MTF2: variants seen among roughly 807,000 people sequenced by gnomAD.
The protein encoded by MTF2 is metal-response element-binding transcription factor 2.
In MTF2, 11 loss-of-function variants were observed where a neutral mutation model predicts 79.5. The ratio of observed to expected loss-of-function variants is 0.14; its 90% CI spans 0.09 to 0.23. The LOEUF (loss-of-function observed/expected upper bound fraction) is 0.23. Among genes scored for constraint, MTF2 ranks in the 10% least tolerant of loss-of-function variants. The pLI is 1.00. For missense variants in MTF2, 486 were observed against 711.2 expected (o/e 0.68, Z 3.60); for synonymous variants, 208 against 232.8 (o/e 0.89, Z 0.97).
chr1:93,127,189 G>A, intron 9 of MTF2, 43 bp from the exon 10 acceptor site: 4 of 1,356,570 alleles, frequency 2.9e-6, no homozygotes, highest in Non-Finnish European at 4.2e-6. Context: ...ATTACTAATT[G>A]ATGAAATTGT....
At chr1:93,090,592 A>G (rs1230426030) in intron 1 of MTF2, among the ~76,000 whole-genome samples, 1 of 151,958 alleles carries the variant, frequency 6.6e-6, no homozygotes, top group Non-Finnish European at 1.5e-5. Context: ...TTCAGGTTTA[A>G]TCATCAGTGT....
rs116824745 is a variant in MTF2, at chr1:93,134,521, T to A, written c.1424+326T>A. The A allele has an allele frequency of 6.1e-3, 1,298 of 211,492 alleles. 17 individuals are homozygous for A. The highest frequency in any genetic ancestry group is 0.031 in the African/African-American group (1,230 of 39,366). 13.1% of individuals were successfully genotyped at this position (211,492 alleles called of 1,614,324 possible). A position where few individuals can be genotyped will look rare whatever the true frequency, so the allele number is the denominator to read the frequency against. ...AAGTGTTCTTTGCTTTAGGAAGATA[T>A]GATTTTTTTTTTTCTTTTTAAGAGA... On this transcript the variant is annotated intron_variant, in intron 14 of 14. Coordinates refer to ENST00000370298, the MANE Select transcript of MTF2 (RefSeq NM_007358.4).
Position 93,134,087 on chromosome 1 carries a change from T to A in MTF2, c.1320-4T>A. The A allele has an allele frequency of 6.2e-7, 1 of 1,603,054 alleles. No homozygotes were observed. The highest frequency in any genetic ancestry group is 8.5e-7 in the Non-Finnish European group (1 of 1,174,464). ...GTTACACAATTTAAATTCTTTTGTC[T>A]CAGGAGAACTGAGGGAACTGCACAT... On this transcript the variant is annotated splice_polypyrimidine_tract_variant and splice_region_variant and intron_variant, in intron 13 of 14. Coordinates refer to ENST00000370298, the MANE Select transcript of MTF2 (RefSeq NM_007358.4).
intron 11 of MTF2, among the ~76,000 whole-genome samples, chr1:93,130,273 T>C (rs1316216902): frequency 2.6e-5 from 4 of 152,076 alleles, no homozygotes; most frequent in Non-Finnish European, 5.9e-5. Flanking sequence ...TGTAAGGGAT[T>C]TAATTATCTT....
chr1:93,122,627 G>T (rs1656528848), intron 9 of MTF2, among the ~76,000 whole-genome samples: 1 of 151,966 alleles, frequency 6.6e-6, no homozygotes, highest in African/African-American at 2.4e-5. Flanking sequence ...AAAAAGTTTT[G>T]CAAATTATTT....
chr1:93,124,295 A>G (rs372028348), intron 9 of MTF2, among the ~76,000 whole-genome samples: 2 of 152,078 alleles, frequency 1.3e-5, no homozygotes, highest in African/African-American at 4.8e-5. Flanking sequence ...TGAAACCATG[A>G]TAAACTTTCT....
intron 6 of MTF2, among the ~76,000 whole-genome samples, chr1:93,116,799 C>T (rs1235476122): frequency 2.0e-5 from 3 of 152,206 alleles, no homozygotes; most frequent in South Asian, 2.1e-4. Context: ...CCACGCCTGG[C>T]CCCCACTGTA....
At chr1:93,114,591 A>G (rs1656170883) in intron 3 of MTF2, 97 bp from the exon 4 acceptor site, 2 of 766,466 alleles carry the variant, frequency 2.6e-6, no homozygotes, top group Non-Finnish European at 2.1e-6. Context: ...TACTTAGCAA[A>G]CATTGCGCAT....
At chr1:93,134,244 C>A (rs764525520) in intron 14 of MTF2, 49 bp downstream of exon 14, 52 of 1,344,640 alleles carry the variant, frequency 3.9e-5, no homozygotes, top group Non-Finnish European at 5.1e-5. Flanking sequence ...CTCTAGATTT[C>A]TTTTCTTTGT....
intron 14 of MTF2, 25 bp downstream of exon 14, chr1:93,134,220 T>G: frequency 6.9e-7 from 1 of 1,456,388 alleles, no homozygotes; most frequent in Non-Finnish European, 9.5e-7. Flanking sequence ...TTCTTATTTT[T>G]TTTACTTTTT....
intron 1 of MTF2, 105 bp from the exon 2 acceptor site, chr1:93,110,125 G>A (rs1655969309): frequency 1.8e-6 from 2 of 1,105,054 alleles, no homozygotes; most frequent in East Asian, 2.5e-5. Context: ...TTTGTCTTAA[G>A]GTTTTTAACA....
chr1:93,114,583 C>T (rs993870345), intron 3 of MTF2, 105 bp from the exon 4 acceptor site: 1 of 709,062 alleles, frequency 1.4e-6, no homozygotes, highest in South Asian at 2.2e-5. Flanking sequence ...TTATGATGTA[C>T]TTAGCAAACA....
At chr1:93,107,961 A>AT (rs536454563) in intron 1 of MTF2, among the ~76,000 whole-genome samples, 150 of 151,664 alleles carry the variant, frequency 9.9e-4, no homozygotes, top group African/African-American at 3.6e-3. Flanking sequence ...TTATTTTTTA[A>AT]TTTTTTTAGA....
intron 1 of MTF2, among the ~76,000 whole-genome samples, chr1:93,080,184 C>T (rs1654544567): frequency 6.6e-6 from 1 of 152,050 alleles, no homozygotes; most frequent in Non-Finnish European, 1.5e-5. Flanking sequence ...AAATATGAGG[C>T]TTTTCTTGTG....
chr1:93,137,120 A>G lies in MTF2; in HGVS notation c.*93A>G. On this transcript the variant is annotated 3_prime_UTR_variant, in exon 15 of 15. Transcript: ENST00000370298. ...AGTCTGGCTTTTACTATCTTTCTTAAAAAAAAAAAAAAGTCAAAAAAATTC... is the reference window on the plus strand; with the variant it reads ...AGTCTGGCTTTTACTATCTTTCTTAGAAAAAAAAAAAAGTCAAAAAAATTC... The G allele has an allele frequency of 1.1e-6, 1 of 920,638 alleles. No individual in the cohort carries two copies. The highest frequency in any genetic ancestry group is 1.7e-5 in the African/African-American group (1 of 58,932). The allele number at this position is 920,638 out of a possible 1,614,324, so 57.0% of individuals were successfully genotyped here. A position where few individuals can be genotyped will look rare whatever the true frequency, so the allele number is the denominator to read the frequency against.
chr1:93,118,680 C>CTA (rs1656349666), intron 7 of MTF2, among the ~76,000 whole-genome samples: 1 of 152,048 alleles, frequency 6.6e-6, no homozygotes, highest in South Asian at 2.1e-4. Context: ...CCATAGTACT[C>CTA]TAAAGTATTC....
chr1:93,097,894 G>C (rs1038829178), intron 1 of MTF2, among the ~76,000 whole-genome samples: 1 of 152,066 alleles, frequency 6.6e-6, no homozygotes, highest in Non-Finnish European at 1.5e-5. Context: ...CACCATGCCT[G>C]GGCCTTTTTT....
chr1:93,090,518 G>A (rs897203367), intron 1 of MTF2, among the ~76,000 whole-genome samples: 12 of 152,216 alleles, frequency 7.9e-5, no homozygotes, highest in Non-Finnish European at 1.0e-4. Flanking sequence ...AAAGTGCTGG[G>A]ATTACAGGCA....
At chr1:93,094,471 T>G (rs1452236302) in intron 1 of MTF2, among the ~76,000 whole-genome samples, 1 of 152,232 alleles carries the variant, frequency 6.6e-6, no homozygotes, top group Admixed American at 6.5e-5. Context: ...AGTTTTAAAA[T>G]ATATGTTTTA....
Sources: gnomAD v4.1 joint callset for allele counts (sites outside exome capture counted in the v4.1 genomes callset) on GRCh38, gnomAD v4.1.1 for gene constraint, MANE v1.5 for transcripts, NCBI Gene and HGNC (gene_info 2026-07-23, HGNC 2026-07-21) for gene names.